Variants in UVRAG observed in about 807,000 individuals in gnomAD.
UVRAG encodes the protein UV radiation resistance-associated gene protein.
A neutral mutation model predicts 78.0 loss-of-function variants in UVRAG; 19 were observed. The observed-to-expected ratio is 0.24, with a 90% confidence interval of 0.17 to 0.36. UVRAG has a LOEUF of 0.36. Among genes scored for constraint, UVRAG ranks in the 10% least tolerant of loss-of-function variants. UVRAG has a pLI of 1.00. For synonymous variants in UVRAG, 323 were observed against 324.6 expected (o/e 1.00, Z 0.05); for missense variants, 740 against 853.8 (o/e 0.87, Z 1.66).
At chr11:76,004,877 G>C (rs567969226) in intron 9 of UVRAG, among the ~76,000 whole-genome samples, 1 of 152,142 alleles carries the variant, frequency 6.6e-6, no homozygotes, top group South Asian at 2.1e-4. Context: ...GTTAATTTTA[G>C]TCGCTCTCCC....
intron 4 of UVRAG, among the ~76,000 whole-genome samples, chr11:75,886,000 G>A (rs1370332199): frequency 6.6e-6 from 1 of 152,116 alleles, no homozygotes; most frequent in Non-Finnish European, 1.5e-5. Context: ...TTTGGCTGAT[G>A]AAGGAATTAA....
chr11:76,026,562 C>A (rs930353799), intron 12 of UVRAG, among the ~76,000 whole-genome samples: 1 of 152,160 alleles, frequency 6.6e-6, no homozygotes, highest in Non-Finnish European at 1.5e-5. Flanking sequence ...TTCCAACTCT[C>A]TTCTGTGTAT....
At chr11:75,831,259 C>T (rs1316799357) in intron 1 of UVRAG, among the ~76,000 whole-genome samples, 2 of 152,132 alleles carry the variant, frequency 1.3e-5, no homozygotes, top group African/African-American at 4.8e-5. Flanking sequence ...GAGGCTGAGG[C>T]GGGCAGATCA....
Position 75,966,474 on chromosome 11 carries a change from CT to C in UVRAG, c.699+4926del, listed in dbSNP as rs1949025506. ...GAAATCTGGACCTTTTAAATATTTT[CT>C]AGTTCTCTGCTGATATTTCATATCC... is the stretch of plus-strand genomic sequence containing the variant. On this transcript the variant is annotated intron_variant, in intron 7 of 14. Transcript: ENST00000356136. 2.0e-5 allele frequency among the ~76,000 whole-genome samples: 3 copies of C among 152,218 alleles called. No homozygotes were observed. In the South Asian group the frequency reaches 6.2e-4, roughly 32 times the overall value.
At chr11:76,061,949 C>G (rs1951102966) in intron 12 of UVRAG, among the ~76,000 whole-genome samples, 1 of 152,198 alleles carries the variant, frequency 6.6e-6, no homozygotes, top group South Asian at 2.1e-4. Flanking sequence ...GTTAGTCTCT[C>G]AAGCTACTGT....
At chr11:76,060,001 T>C (rs1951053553) in intron 12 of UVRAG, among the ~76,000 whole-genome samples, 1 of 152,218 alleles carries the variant, frequency 6.6e-6, no homozygotes, top group African/African-American at 2.4e-5. Flanking sequence ...GATGTGAGGC[T>C]CTGAAGGTGA....
At chr11:76,104,197 C>T (rs77241637) in intron 13 of UVRAG, among the ~76,000 whole-genome samples, 5,311 of 152,228 alleles carry the variant, frequency 0.035, 304 homozygotes, top group African/African-American at 0.12. Context: ...TTTAGGGTTA[C>T]TATGAAGATT....
intron 4 of UVRAG, among the ~76,000 whole-genome samples, chr11:75,887,993 G>T (rs1467296785): frequency 6.6e-6 from 1 of 152,152 alleles, no homozygotes; most frequent in African/African-American, 2.4e-5. Flanking sequence ...GACAATAATA[G>T]AAGAGAGTGG....
At chr11:75,949,413 G>A (rs943726837) in intron 6 of UVRAG, among the ~76,000 whole-genome samples, 4 of 151,782 alleles carry the variant, frequency 2.6e-5, no homozygotes, top group South Asian at 2.1e-4. Flanking sequence ...CTTTCATAGC[G>A]TTCATAACCA....
At chr11:75,999,446 A>G (rs547674100) in intron 8 of UVRAG, among the ~76,000 whole-genome samples, 8 of 151,860 alleles carry the variant, frequency 5.3e-5, no homozygotes, top group Admixed American at 2.0e-4. Context: ...GCAGTGGTGC[A>G]ATCTCGGCTT....
intron 7 of UVRAG, among the ~76,000 whole-genome samples, chr11:75,970,520 T>C (rs7114396): frequency 0.19 from 28,332 of 151,904 alleles, 4,659 homozygotes; most frequent in African/African-American, 0.44. Context: ...ATCATGAGGT[T>C]GGGAGATCAA....
chr11:76,043,950 C>T (rs1476357624), intron 12 of UVRAG, among the ~76,000 whole-genome samples: 2 of 152,108 alleles, frequency 1.3e-5, no homozygotes, highest in Admixed American at 6.5e-5. Flanking sequence ...GTAATGGAAA[C>T]CTCAAATTAA....
At chr11:75,927,271 T>C (rs967501444) in intron 6 of UVRAG, among the ~76,000 whole-genome samples, 1 of 152,118 alleles carries the variant, frequency 6.6e-6, no homozygotes, top group Admixed American at 6.5e-5. Flanking sequence ...AGTTTTGCGA[T>C]GTTGGCCAGA....
chr11:75,889,007 G>A (rs1947155716), intron 5 of UVRAG, 104 bp downstream of exon 5: 1 of 957,462 alleles, frequency 1.0e-6, no homozygotes, highest in Non-Finnish European at 1.5e-6. Flanking sequence ...ATAGAATCAT[G>A]CTTTAAATTT....
intron 12 of UVRAG, among the ~76,000 whole-genome samples, chr11:76,062,953 A>G (rs544001627): frequency 2.5e-4 from 38 of 152,334 alleles, no homozygotes; most frequent in African/African-American, 8.9e-4. Flanking sequence ...CAAAGTAGTT[A>G]TCACTATCAC....
At chr11:76,124,113 A>G (rs534646841) in intron 14 of UVRAG, among the ~76,000 whole-genome samples, 2 of 152,206 alleles carry the variant, frequency 1.3e-5, no homozygotes, top group Non-Finnish European at 2.9e-5. Flanking sequence ...TTGGGAAACT[A>G]TTTCCCAAGC....
At chr11:76,032,893 T>C (rs574972068) in intron 12 of UVRAG, among the ~76,000 whole-genome samples, 1 of 152,346 alleles carries the variant, frequency 6.6e-6, no homozygotes, top group South Asian at 2.1e-4. Context: ...GAGACATGTA[T>C]AAGAGAAGAG....
intron 13 of UVRAG, among the ~76,000 whole-genome samples, chr11:76,073,052 T>C (rs1951343622): frequency 1.3e-5 from 2 of 152,200 alleles, no homozygotes; most frequent in Admixed American, 1.3e-4. Flanking sequence ...GCAGTATTTG[T>C]CTTCTGTAAG....
intron 12 of UVRAG, among the ~76,000 whole-genome samples, chr11:76,064,913 G>T (rs1370972293): frequency 9.2e-5 from 14 of 152,144 alleles, no homozygotes; most frequent in Admixed American, 8.5e-4. Flanking sequence ...TGATCTGTTT[G>T]TAAAGAAATC....
Sources: gnomAD v4.1 joint callset for allele counts (sites outside exome capture counted in the v4.1 genomes callset) on GRCh38, gnomAD v4.1.1 for gene constraint, MANE v1.5 for transcripts, NCBI Gene and HGNC (gene_info 2026-07-23, HGNC 2026-07-21) for gene names.